PDE1A: variants seen among roughly 807,000 people sequenced by gnomAD.
The protein encoded by PDE1A is phosphodiesterase 1A.
A neutral mutation model predicts 61.7 loss-of-function variants in PDE1A; 35 were observed. The ratio of observed to expected loss-of-function variants is 0.57; its 90% CI spans 0.43 to 0.75. The LOEUF (loss-of-function observed/expected upper bound fraction) is 0.75, where lower values mean the gene tolerates loss of function less well. Ranked by LOEUF, PDE1A falls within the 30% of genes least tolerant of loss-of-function variation. The pLI, the probability that PDE1A is intolerant of heterozygous loss-of-function variation, is 0.00. For synonymous variants in PDE1A, 232 were observed against 213.2 expected (o/e 1.09, Z -0.77); for missense variants, 597 against 630.6 (o/e 0.95, Z 0.57).
intron 2 of PDE1A, among the ~76,000 whole-genome samples, chr2:182,467,271 A>C (rs1486699289): frequency 6.6e-6 from 1 of 151,940 alleles, no homozygotes; most frequent in East Asian, 1.9e-4. Flanking sequence ...AAATTGCAGG[A>C]TATGAAGAAG....
chr2:182,366,818 T>C (rs2125215599), intron 1 of PDE1A, among the ~76,000 whole-genome samples: 1 of 152,212 alleles, frequency 6.6e-6, no homozygotes, highest in South Asian at 2.1e-4. Flanking sequence ...TTTTGACTAG[T>C]GGGCTTGGCA....
intron 1 of PDE1A, among the ~76,000 whole-genome samples, chr2:182,418,992 C>G (rs1703097451): frequency 6.6e-6 from 1 of 151,262 alleles, no homozygotes; most frequent in Non-Finnish European, 1.5e-5. Context: ...ATCGCTGATA[C>G]AATTGTCTTC....
the PDE1A span, among the ~76,000 whole-genome samples, chr2:182,691,859 G>A: frequency 6.6e-6 from 1 of 151,976 alleles, no homozygotes; most frequent in Admixed American, 6.6e-5. Context: ...TCAAAAAGTG[G>A]GCGAAGGATA....
At chr2:182,166,244 A>G (rs542652490), downstream of PDE1A, among the ~76,000 whole-genome samples, 148 of 152,240 alleles carry the variant, frequency 9.7e-4, no homozygotes, top group Non-Finnish European at 1.8e-3. Context: ...AGATTAACCC[A>G]TGAGTCAGTG....
chr2:182,656,786 T>C, the PDE1A span, among the ~76,000 whole-genome samples: 1 of 152,240 alleles, frequency 6.6e-6, no homozygotes, highest in African/African-American at 2.4e-5. Context: ...CTCATTTAAT[T>C]TTTAAGTATT....
At chr2:182,184,449 A>T (rs1685043840) in intron 13 of PDE1A, among the ~76,000 whole-genome samples, 2 of 149,928 alleles carry the variant, frequency 1.3e-5, no homozygotes, top group African/African-American at 4.9e-5. Context: ...GTGCTAAAAT[A>T]AAAAAAAATC....
At chr2:182,452,416 G>C (rs940868315) in intron 2 of PDE1A, among the ~76,000 whole-genome samples, 3 of 152,106 alleles carry the variant, frequency 2.0e-5, no homozygotes, top group African/African-American at 4.8e-5. Flanking sequence ...GAAAAACATT[G>C]ATAAGTGCAC....
At chr2:182,596,033 A>G in the PDE1A span, among the ~76,000 whole-genome samples, 1 of 152,338 alleles carries the variant, frequency 6.6e-6, no homozygotes, top group South Asian at 2.1e-4. Context: ...AAACACCACT[A>G]TAAATTTATA....
chr2:182,595,025 A>C, the PDE1A span, among the ~76,000 whole-genome samples: 2 of 152,218 alleles, frequency 1.3e-5, no homozygotes, highest in African/African-American at 4.8e-5. Flanking sequence ...GTACACATTC[A>C]TATAAAATAA....
At chr2:182,170,598 G>A (rs1235518415) in intron 13 of PDE1A, among the ~76,000 whole-genome samples, 1 of 151,980 alleles carries the variant, frequency 6.6e-6, no homozygotes, top group Non-Finnish European at 1.5e-5. Flanking sequence ...GAGAAAGTTA[G>A]ATTCATTTGT....
At chr2:182,342,156 A>G (rs986255323) in intron 1 of PDE1A, among the ~76,000 whole-genome samples, 1 of 152,218 alleles carries the variant, frequency 6.6e-6, no homozygotes, top group Non-Finnish European at 1.5e-5. Flanking sequence ...TTTTATAACT[A>G]TTAAACAATC....
the PDE1A span, among the ~76,000 whole-genome samples, chr2:182,700,758 G>GA: frequency 1.1e-5 from 1 of 94,770 alleles, no homozygotes; most frequent in Non-Finnish European, 2.3e-5. Flanking sequence ...AAAAGAAAAA[G>GA]AAAAAGAAAT....
intron 1 of PDE1A, among the ~76,000 whole-genome samples, chr2:182,397,823 TC>T (rs1173133133): frequency 2.0e-5 from 3 of 152,088 alleles, no homozygotes; most frequent in African/African-American, 7.2e-5. Context: ...AGAAAAATGA[TC>T]ACTATCTACC....
At chr2:182,675,930 T>G in the PDE1A span, among the ~76,000 whole-genome samples, 1 of 152,208 alleles carries the variant, frequency 6.6e-6, no homozygotes, top group African/African-American at 2.4e-5. Context: ...ATAATTTCTT[T>G]TGCTGTACAG....
At chr2:182,538,979 C>T in the PDE1A span, among the ~76,000 whole-genome samples, 1 of 152,176 alleles carries the variant, frequency 6.6e-6, no homozygotes, top group African/African-American at 2.4e-5. Flanking sequence ...ATTGCCAGCA[C>T]ATCCACACTA....
At chr2:182,517,839 T>G (rs1690305241) in intron 2 of PDE1A, among the ~76,000 whole-genome samples, 1 of 152,066 alleles carries the variant, frequency 6.6e-6, no homozygotes. Context: ...AGAAACACCT[T>G]GCCATCACTG....
the PDE1A span, among the ~76,000 whole-genome samples, chr2:182,590,773 A>G: frequency 2.0e-5 from 3 of 152,212 alleles, no homozygotes; most frequent in Non-Finnish European, 4.4e-5. Flanking sequence ...AGAGGAAAAT[A>G]TATCTGTTAC....
At chr2:182,570,851 G>A in the PDE1A span, among the ~76,000 whole-genome samples, 49 of 152,138 alleles carry the variant, frequency 3.2e-4, no homozygotes, top group Non-Finnish European at 5.4e-4. Flanking sequence ...AAAATGGCAC[G>A]GGATAGAGAT....
intron 2 of PDE1A, among the ~76,000 whole-genome samples, chr2:182,479,424 C>T (rs968983245): frequency 6.6e-6 from 1 of 151,628 alleles, no homozygotes; most frequent in Non-Finnish European, 1.5e-5. Context: ...TAATTTAACC[C>T]CTAATTAACA....
Sources: gnomAD v4.1 joint callset for allele counts (sites outside exome capture counted in the v4.1 genomes callset) on GRCh38, gnomAD v4.1.1 for gene constraint, MANE v1.5 for transcripts, NCBI Gene and HGNC (gene_info 2026-07-23, HGNC 2026-07-21) for gene names.